The following MYO9A variants were observed in gnomAD, a reference collection of about 807,000 sequenced individuals.
MYO9A encodes myosin IXA, also known as unconventional myosin-IXa.
A neutral mutation model predicts 293.3 loss-of-function variants in MYO9A; 103 were observed. The ratio of observed to expected loss-of-function variants is 0.35; its 90% confidence interval spans 0.30 to 0.41. MYO9A has a LOEUF of 0.41. Ranked by LOEUF, MYO9A falls within the 10% of genes least tolerant of loss-of-function variation. The probability of loss-of-function intolerance (pLI) is 1.00; values close to 1 mark genes in which losing one functional copy is unlikely to be tolerated. For synonymous variants in MYO9A, 1,001 were observed against 1,035.7 expected (o/e 0.97, Z 0.64); for missense variants, 2,685 against 3,033.0 (o/e 0.89, Z 2.69).
chr15:72,019,220 A>C (rs2077428600), intron 5 of MYO9A, 125 bp from the exon 6 acceptor site: 1 of 750,434 alleles, frequency 1.3e-6, no homozygotes, highest in South Asian at 1.6e-5. Context: ...ATAGCAGCAT[A>C]AAACAAGAAA....
Position 71,933,653 on chromosome 15 carries a change from GT to G in MYO9A, c.2562+16del. 1 of 1,590,668 alleles carries G rather than the reference GT, an allele frequency of 6.3e-7. No individual in the cohort carries two copies. Among genetic ancestry groups the G allele is most frequent in the East Asian group, 2.3e-5 (1 of 43,568 alleles). On this transcript the variant is annotated intron_variant, in intron 18 of 41. Coordinates refer to ENST00000356056, the MANE Select transcript of MYO9A (RefSeq NM_006901.4). ...GTAGCAGAATACCAATACAAAAAAA[GT>G]TTTCATAGTACTCACCTTTGGAAGG...
intron 1 of MYO9A, among the ~76,000 whole-genome samples, chr15:72,103,787 T>C (rs73436346): frequency 1.3e-5 from 2 of 152,316 alleles, no homozygotes; most frequent in African/African-American, 4.8e-5. Context: ...TGTTTAAGGA[T>C]GTATAGCTAG....
At chr15:71,860,616 T>C (rs1399555272) in intron 33 of MYO9A, among the ~76,000 whole-genome samples, 1 of 152,130 alleles carries the variant, frequency 6.6e-6, no homozygotes, top group Non-Finnish European at 1.5e-5. Context: ...GGCCATGTCA[T>C]TGTACTGGTG....
At chr15:72,086,241 C>T (rs1299728187) in intron 1 of MYO9A, among the ~76,000 whole-genome samples, 1 of 152,202 alleles carries the variant, frequency 6.6e-6, no homozygotes, top group Admixed American at 6.5e-5. Flanking sequence ...CTTAAGCGGG[C>T]CCCACTGGCA....
intron 18 of MYO9A, among the ~76,000 whole-genome samples, chr15:71,925,994 T>A (rs2058304461): frequency 6.6e-6 from 1 of 152,216 alleles, no homozygotes; most frequent in Admixed American, 6.5e-5. Flanking sequence ...GTGAAACAGC[T>A]GCCTCTTCCA....
At chr15:71,957,266 T>C (rs2059224719) in intron 14 of MYO9A, among the ~76,000 whole-genome samples, 1 of 152,222 alleles carries the variant, frequency 6.6e-6, no homozygotes, top group African/African-American at 2.4e-5. Flanking sequence ...ATTCAGCCTT[T>C]TGTCTTGTAT....
intron 6 of MYO9A, among the ~76,000 whole-genome samples, chr15:72,012,229 T>A (rs1378635737): frequency 6.6e-6 from 1 of 152,220 alleles, no homozygotes; most frequent in African/African-American, 2.4e-5. Flanking sequence ...TTTAATTTTA[T>A]TACTATAAAA....
intron 18 of MYO9A, among the ~76,000 whole-genome samples, chr15:71,917,453 T>C (rs368574179): frequency 1.6e-3 from 237 of 152,252 alleles, no homozygotes; most frequent in African/African-American, 3.7e-3. Context: ...GAGAACTGCT[T>C]GAACCCGGGA....
chr15:72,111,455 C>T (rs1289574508), intron 1 of MYO9A, among the ~76,000 whole-genome samples: 1 of 150,224 alleles, frequency 6.7e-6, no homozygotes, highest in African/African-American at 2.5e-5. Flanking sequence ...CGCCACTGCA[C>T]TCCAGCCTGG....
At chr15:71,849,220 C>G (rs1036905285) in intron 38 of MYO9A, among the ~76,000 whole-genome samples, 1 of 152,048 alleles carries the variant, frequency 6.6e-6, no homozygotes, top group Non-Finnish European at 1.5e-5. Context: ...GAGGCCGAGG[C>G]GGGTGGATCA....
intron 12 of MYO9A, among the ~76,000 whole-genome samples, chr15:71,972,667 T>C (rs1465458931): frequency 1.3e-5 from 2 of 152,134 alleles, no homozygotes; most frequent in South Asian, 2.1e-4. Context: ...GAGGAAAACA[T>C]GGTTTTAATG....
At chr15:71,827,798 C>T (rs1332620365) in intron 41 of MYO9A, 86 bp downstream of exon 41, 21 of 1,418,490 alleles carry the variant, frequency 1.5e-5, no homozygotes, top group Middle Eastern at 5.1e-4. Context: ...TCAGTAAATT[C>T]TTAAAAGACT....
At chr15:71,887,873 A>C (rs2057067475) in intron 27 of MYO9A, 131 bp downstream of exon 27, 1 of 493,614 alleles carries the variant, frequency 2.0e-6, no homozygotes, top group Non-Finnish European at 3.5e-6. Flanking sequence ...TTTCTTGAAA[A>C]ATTGGTAAAT....
chr15:72,041,686 G>A (rs2149598688), intron 2 of MYO9A: 2 of 203,008 alleles, frequency 9.9e-6, no homozygotes, highest in South Asian at 2.2e-4. Context: ...TTTTCCGTGG[G>A]AACTTTCAGC....
intron 18 of MYO9A, among the ~76,000 whole-genome samples, chr15:71,930,705 T>A (rs951739928): frequency 3.3e-5 from 5 of 152,130 alleles, no homozygotes; most frequent in African/African-American, 1.2e-4. Context: ...TTCAAACCAG[T>A]TATTGATAGG....
intron 25 of MYO9A, 67 bp from the exon 26 acceptor site, chr15:71,893,845 A>T: frequency 1.6e-6 from 2 of 1,233,100 alleles, no homozygotes; most frequent in Non-Finnish European, 2.3e-6. Context: ...CAGGTTAAAG[A>T]CTTCCAGCAA....
intron 1 of MYO9A, among the ~76,000 whole-genome samples, chr15:72,099,210 A>C (rs1260858679): frequency 6.6e-6 from 1 of 151,936 alleles, no homozygotes; most frequent in African/African-American, 2.4e-5. Context: ...AGGCTGAGGC[A>C]GACAGATCAA....
At chr15:72,038,406 A>G (rs540928785) in intron 2 of MYO9A, among the ~76,000 whole-genome samples, 58 of 152,380 alleles carry the variant, frequency 3.8e-4, no homozygotes, top group Non-Finnish European at 3.5e-4. Context: ...TCTGGGCCAC[A>G]AGTCTCAATA....
intron 18 of MYO9A, among the ~76,000 whole-genome samples, chr15:71,932,510 C>CA (rs1327268413): frequency 6.6e-6 from 1 of 151,652 alleles, no homozygotes; most frequent in Non-Finnish European, 1.5e-5. Context: ...CGCTGGAACT[C>CA]ACAGTCAGTA....
Sources: gnomAD v4.1 joint callset for allele counts (sites outside exome capture counted in the v4.1 genomes callset) on GRCh38, gnomAD v4.1.1 for gene constraint, MANE v1.5 for transcripts, NCBI Gene and HGNC (gene_info 2026-07-23, HGNC 2026-07-21) for gene names.